IGBP1: variants seen among roughly 807,000 people sequenced by gnomAD.
IGBP1 encodes immunoglobulin binding protein 1.
IGBP1 carries 2 observed loss-of-function variants against 25.9 expected under a neutral mutation model. The observed-to-expected ratio is 0.08, with a 90% CI of 0.03 to 0.24. The LOEUF is 0.24. Ranked by LOEUF, IGBP1 falls within the 10% of genes least tolerant of loss-of-function variation. The pLI, the probability that IGBP1 is intolerant of heterozygous loss-of-function variation, is 1.00. For synonymous variants in IGBP1, 96 were observed against 93.4 expected (o/e 1.03, Z -0.16); for missense variants, 187 against 260.4 (o/e 0.72, Z 1.94).
At chrX:70,134,454 C>G in intron 2 of IGBP1, 69 bp from the exon 3 acceptor site, 1 of 1,086,016 alleles carries the variant, frequency 9.2e-7, no homozygotes, top group Non-Finnish European at 1.3e-6. Context: ...CCCACTCCGT[C>G]CCCCAGAAAG....
chrX:70,140,677 A>G (rs1484912859), intron 3 of IGBP1, among the ~76,000 whole-genome samples: 2 of 112,002 alleles, frequency 1.8e-5, no homozygotes, highest in Non-Finnish European at 3.8e-5. Flanking sequence ...CTCTGTCTCA[A>G]AACCTGTTTC....
intron 3 of IGBP1, 56 bp downstream of exon 3, chrX:70,134,872 T>C (rs1454420899): frequency 2.1e-5 from 23 of 1,106,655 alleles, no homozygotes; most frequent in Non-Finnish European, 2.6e-5. Flanking sequence ...TTCAGGGGCA[T>C]GCTTTCTTGG....
intron 5 of IGBP1, 52 bp downstream of exon 5, chrX:70,148,892 T>C: frequency 1.1e-6 from 1 of 872,697 alleles, no homozygotes; most frequent in South Asian, 2.1e-5. Flanking sequence ...TATGGTTCAA[T>C]GTGGCAATTC....
At chrX:70,136,637 C>T (rs754099237) in intron 3 of IGBP1, among the ~76,000 whole-genome samples, 9 of 110,492 alleles carry the variant, frequency 8.1e-5, no homozygotes, top group East Asian at 2.8e-4. Flanking sequence ...AGGTAGGACA[C>T]GCCAAAGAGC....
chrX:70,139,637 GTT>G (rs1373154214), intron 3 of IGBP1, among the ~76,000 whole-genome samples: 1 of 111,468 alleles, frequency 9.0e-6, no homozygotes, highest in Non-Finnish European at 1.9e-5. Flanking sequence ...ATTGACTTAG[GTT>G]TTTAAACCAG....
Position 70,146,741 on chromosome X carries a change from T to A in IGBP1, c.591T>A (p.Leu197=), listed in dbSNP as rs747899063. 1.7e-6 allele frequency: 2 copies of A among 1,202,104 alleles called. No individual in the cohort carries two copies. Among genetic ancestry groups the A allele is most frequent in the Non-Finnish European group, 1.1e-6 (1 of 889,188 alleles). ...TTCGTGAATATTATCTTCTTCACCTTCAGAGGTGGATTGATATCAGCTTAG... is the reference window on the plus strand; with the variant it reads ...TTCGTGAATATTATCTTCTTCACCTACAGAGGTGGATTGATATCAGCTTAG... ...ERVREYYLLH[L]QRWIDISLEE... The change falls in exon 4 of 7, where the codon CTT becomes CTA. Residue 197 remains leucine, a synonymous_variant. Coordinates refer to ENST00000356413, the MANE Select transcript of IGBP1 (RefSeq NM_001551.3).
At chrX:70,150,462 T>A in intron 6 of IGBP1, 140 bp downstream of exon 6, 1 of 494,729 alleles carries the variant, frequency 2.0e-6, no homozygotes, top group Non-Finnish European at 3.7e-6. Context: ...TTCTAGACAG[T>A]ACTATGTTTA....
chrX:70,159,806 T>C (rs2085261453), intron 6 of IGBP1, among the ~76,000 whole-genome samples: 1 of 110,980 alleles, frequency 9.0e-6, no homozygotes, highest in Non-Finnish European at 1.9e-5. Context: ...TAGTGGTGAC[T>C]CTGGACCCTG....
At chrX:70,161,459 G>A (rs1037322236) in intron 6 of IGBP1, among the ~76,000 whole-genome samples, 4 of 111,503 alleles carry the variant, frequency 3.6e-5, no homozygotes, top group Non-Finnish European at 1.9e-5. Context: ...GGCTGAGGCA[G>A]GGAATATACA....
chrX:70,146,486 G>A (rs2085167325), intron 3 of IGBP1, 147 bp from the exon 4 acceptor site: 1 of 503,532 alleles, frequency 2.0e-6, no homozygotes, highest in Non-Finnish European at 3.5e-6. Context: ...GGCTAATTCT[G>A]GGGTATAGAA....
rs762954223 is a variant in IGBP1 at position 70,154,714 on chromosome X, CAAAA to C, written c.871+4411_871+4414del. ...AGCAACATGGTAAGACCCCTCTCCA[CAAAA>C]AAAAAAAAAAAAAAAAAAGTTTTAA... On this transcript the variant is annotated intron_variant, in intron 6 of 6. Coordinates refer to ENST00000356413, the MANE Select transcript of IGBP1 (RefSeq NM_001551.3). Among the ~76,000 whole-genome samples, 226 of 27,098 alleles carry C rather than the reference CAAAA, an allele frequency of 8.3e-3. 2 individuals are homozygous for C. The highest frequency in any genetic ancestry group is 0.048 in the East Asian group (36 of 749). 23.5% of individuals were successfully genotyped at this position (27,098 alleles called of 115,157 possible). A position where few individuals can be genotyped will look rare whatever the true frequency, so the allele number is the denominator to read the frequency against.
chrX:70,151,698 C>G (rs1200203427), intron 6 of IGBP1, among the ~76,000 whole-genome samples: 1 of 110,633 alleles, frequency 9.0e-6, no homozygotes, highest in Non-Finnish European at 1.9e-5. Context: ...AGCAATATGG[C>G]GAAACCCCGT....
chrX:70,135,947 C>T (rs1417282599), intron 3 of IGBP1, among the ~76,000 whole-genome samples: 1 of 111,597 alleles, frequency 9.0e-6, no homozygotes, highest in East Asian at 2.8e-4. Flanking sequence ...TTAATTTCCC[C>T]AGCTGCAAAA....
At chrX:70,148,616 TCTG>T in intron 4 of IGBP1, 142 bp from the exon 5 acceptor site, 3 of 504,129 alleles carry the variant, frequency 6.0e-6, no homozygotes, top group East Asian at 3.7e-5. Context: ...CCGTTAGTGT[TCTG>T]CTGCTATATC....
At chrX:70,146,936 T>G (rs2085170657) in intron 4 of IGBP1, 108 bp downstream of exon 4, 1 of 605,099 alleles carries the variant, frequency 1.7e-6, no homozygotes. Flanking sequence ...TCAAGATGAG[T>G]ATAGAAAGGC....
intron 3 of IGBP1, among the ~76,000 whole-genome samples, chrX:70,140,201 G>A (rs1448399254): frequency 8.9e-6 from 1 of 112,178 alleles, no homozygotes; most frequent in Admixed American, 9.5e-5. Context: ...TATACTCTAT[G>A]AGGGCACAAG....
chrX:70,136,638 G>A (rs905516904), intron 3 of IGBP1, among the ~76,000 whole-genome samples: 1 of 110,519 alleles, frequency 9.0e-6, no homozygotes, highest in Non-Finnish European at 1.9e-5. Flanking sequence ...GGTAGGACAC[G>A]CCAAAGAGCT....
Position 70,134,643 on chromosome X carries a change from G to A in IGBP1, c.309G>A (p.Gln103=). The part of the protein sequence containing the change: ...VNPSKRLDHL[Q]RAREHFINYL... ...CCAGCAAGCGTCTAGATCATTTGCA[G>A]CGGGCTCGAGAACACTTTATAAACT... Residue 103 remains glutamine (Q), a synonymous_variant, in exon 3 of 7, where the codon CAG becomes CAA. Transcript: ENST00000356413. The A allele has an allele frequency of 8.3e-7, 1 of 1,211,906 alleles. No individual in the cohort carries two copies. Among genetic ancestry groups the A allele is most frequent in the Non-Finnish European group, 1.1e-6 (1 of 895,511 alleles).
rs2085104533 is a variant in IGBP1 at position 70,137,766 on chromosome X, A to C, written c.482+2950A>C. Among the ~76,000 whole-genome samples the C allele has an allele frequency of 2.8e-5, 3 of 108,225 alleles. No homozygotes were observed. The East Asian group carries it at 8.6e-4, about 31-fold the overall frequency. 94.0% of individuals were successfully genotyped at this position (108,225 alleles called of 115,157 possible). On this transcript the variant is annotated intron_variant, in intron 3 of 6. Transcript: ENST00000356413. ...AATAATTATACAAAAAAAAAAAAAA[A>C]AAAAAACTGCAAGAGAAAGATGAGG...
Sources: gnomAD v4.1 joint callset for allele counts (sites outside exome capture counted in the v4.1 genomes callset) on GRCh38, gnomAD v4.1.1 for gene constraint, MANE v1.5 for transcripts, NCBI Gene and HGNC (gene_info 2026-07-23, HGNC 2026-07-21) for gene names.